Variants in DLG2 observed in about 807,000 individuals in gnomAD.
DLG2 encodes disks large homolog 2.
A neutral mutation model predicts 132.5 loss-of-function variants in DLG2; 45 were observed. That is an observed-to-expected ratio of 0.34 (90% CI 0.27 to 0.44). The LOEUF (loss-of-function observed/expected upper bound fraction) is 0.44, where lower values mean the gene tolerates loss of function less well. DLG2 is among the 20% of genes least tolerant of loss of function. The probability of loss-of-function intolerance (pLI) is 1.00; values close to 1 mark genes in which losing one functional copy is unlikely to be tolerated. For missense variants in DLG2, 1,045 were observed against 1,196.9 expected (o/e 0.87, Z 1.87); for synonymous variants, 424 against 419.6 (o/e 1.01, Z -0.13).
intron 3 of DLG2, among the ~76,000 whole-genome samples, chr11:85,286,330 TATG>T (rs1159819418): frequency 6.6e-6 from 1 of 152,096 alleles, no homozygotes; most frequent in Non-Finnish European, 1.5e-5. Context: ...AAATGATTCA[TATG>T]ATATTAGATG....
chr11:83,498,667 A>G (rs2094280992), intron 21 of DLG2, among the ~76,000 whole-genome samples: 1 of 135,702 alleles, frequency 7.4e-6, no homozygotes, highest in South Asian at 2.3e-4. Flanking sequence ...CTAAACCTAA[A>G]GCAAGGAGAA....
chr11:83,480,669 A>G, intron 22 of DLG2: 1 of 1,526,016 alleles, frequency 6.6e-7, no homozygotes, highest in Non-Finnish European at 8.9e-7. Flanking sequence ...CAAAAAATGC[A>G]TAATGTCAAT....
At chr11:83,687,005 A>C (rs1467284491) in intron 18 of DLG2, among the ~76,000 whole-genome samples, 1 of 152,192 alleles carries the variant, frequency 6.6e-6, no homozygotes, top group East Asian at 1.9e-4. Flanking sequence ...TCTCATAAAA[A>C]CAGGAAATTT....
chr11:84,631,018 TCACACACACACACACA>T (rs372331224), intron 6 of DLG2, among the ~76,000 whole-genome samples: 2 of 94,292 alleles, frequency 2.1e-5, no homozygotes, highest in South Asian at 4.3e-4. Flanking sequence ...TCTCTCTCTC[TCACACACACACACACA>T]CACACACACA....
At chr11:83,479,532 T>C (rs926145489) in intron 22 of DLG2, among the ~76,000 whole-genome samples, 1 of 152,116 alleles carries the variant, frequency 6.6e-6, no homozygotes, top group Non-Finnish European at 1.5e-5. Flanking sequence ...ATTAATCTCA[T>C]AGAAATCATA....
At chr11:85,257,377 A>G (rs759021433) in intron 4 of DLG2, among the ~76,000 whole-genome samples, 2 of 152,242 alleles carry the variant, frequency 1.3e-5, no homozygotes, top group Non-Finnish European at 2.9e-5. Flanking sequence ...AGTGTATGAG[A>G]AAGAAAACAT....
intron 8 of DLG2, among the ~76,000 whole-genome samples, chr11:84,210,591 C>A (rs1597485118): frequency 6.9e-6 from 1 of 145,836 alleles, no homozygotes; most frequent in Non-Finnish European, 1.5e-5. Context: ...AAACTGCAAA[C>A]AACTGAAATG....
At chr11:83,990,039 T>C (rs1309561398) in intron 11 of DLG2, among the ~76,000 whole-genome samples, 1 of 152,140 alleles carries the variant, frequency 6.6e-6, no homozygotes, top group Non-Finnish European at 1.5e-5. Flanking sequence ...AAAACGCTGA[T>C]TATAACACCA....
At chr11:84,838,518 C>A (rs563742096) in intron 6 of DLG2, among the ~76,000 whole-genome samples, 1 of 152,002 alleles carries the variant, frequency 6.6e-6, no homozygotes, top group East Asian at 1.9e-4. Flanking sequence ...CTGCTACAAC[C>A]ACTTGACAAA....
intron 11 of DLG2, among the ~76,000 whole-genome samples, chr11:84,005,285 T>C (rs1279045626): frequency 2.0e-5 from 3 of 151,818 alleles, no homozygotes; most frequent in Non-Finnish European, 2.9e-5. Flanking sequence ...CCTAGGAATA[T>C]TGGATATCCA....
chr11:84,531,408 A>C (rs1022075733), intron 7 of DLG2, among the ~76,000 whole-genome samples: 1 of 152,228 alleles, frequency 6.6e-6, no homozygotes, highest in Admixed American at 6.5e-5. Flanking sequence ...AATAATCTGC[A>C]CACCAAACCT....
intron 3 of DLG2, among the ~76,000 whole-genome samples, chr11:85,431,345 G>A (rs1362226462): frequency 6.6e-6 from 1 of 152,174 alleles, no homozygotes; most frequent in Non-Finnish European, 1.5e-5. Context: ...GCCAAGGGAA[G>A]TGGTGAGTGA....
intron 6 of DLG2, among the ~76,000 whole-genome samples, chr11:84,778,452 TA>T (rs2071096677): frequency 6.6e-6 from 1 of 152,214 alleles, no homozygotes; most frequent in African/African-American, 2.4e-5. Context: ...TTTGATTCCA[TA>T]AAATTTTTAA....
chr11:83,726,353 G>A (rs890123141), intron 18 of DLG2, among the ~76,000 whole-genome samples: 6 of 152,152 alleles, frequency 3.9e-5, no homozygotes, highest in Admixed American at 2.6e-4. Flanking sequence ...AACAAGGTCT[G>A]TTTAAACCAC....
intron 8 of DLG2, among the ~76,000 whole-genome samples, chr11:84,187,477 C>T (rs1422599227): frequency 6.6e-6 from 1 of 151,980 alleles, no homozygotes; most frequent in African/African-American, 2.4e-5. Flanking sequence ...AAGCATCCCC[C>T]TTTTCTGAGT....
At chr11:84,837,040 G>A (rs1033251096) in intron 6 of DLG2, among the ~76,000 whole-genome samples, 8 of 151,726 alleles carry the variant, frequency 5.3e-5, no homozygotes, top group African/African-American at 1.9e-4. Flanking sequence ...GCCCCAGTGT[G>A]TGATGTTCCC....
At chr11:85,336,591 A>C (rs1284668033) in intron 3 of DLG2, 1 of 158,018 alleles carries the variant, frequency 6.3e-6, no homozygotes, top group East Asian at 1.8e-4. Context: ...CAGCAGGGGC[A>C]AAAGTGCTGG....
At chr11:84,887,157 G>C (rs2088477072) in intron 6 of DLG2, 1 of 152,030 alleles carries the variant, frequency 6.6e-6, no homozygotes, top group African/African-American at 2.4e-5. Flanking sequence ...CCTTTAAAAA[G>C]ACACTGAAAA....
chr11:85,333,575 T>C (rs185644791), intron 3 of DLG2, among the ~76,000 whole-genome samples: 187 of 152,272 alleles, frequency 1.2e-3, no homozygotes, highest in African/African-American at 4.3e-3. Context: ...GGGTTTGCCA[T>C]AGAGGCTCTT....
Sources: allele counts gnomAD v4.1 joint callset (sites outside exome capture counted in the v4.1 genomes callset), GRCh38; gene constraint gnomAD v4.1.1; transcripts MANE v1.5; gene names NCBI Gene and HGNC (gene_info 2026-07-23, HGNC 2026-07-21).